The following SORBS2 variants were observed in gnomAD, a reference collection of about 807,000 sequenced individuals.
SORBS2 encodes the protein sorbin and SH3 domain-containing protein 2.
In SORBS2, 46 loss-of-function variants were observed where a neutral mutation model predicts 97.7. That is an observed-to-expected ratio of 0.47 (90% CI 0.37 to 0.60). The LOEUF (loss-of-function observed/expected upper bound fraction) is 0.60. Among genes scored for constraint, SORBS2 ranks in the 20% least tolerant of loss-of-function variants. SORBS2 has a pLI of 0.00. For missense variants in SORBS2, 1,316 were observed against 1,282.3 expected, an observed-to-expected ratio of 1.03 and a Z score of -0.40; for synonymous variants, 476 against 473.4, an observed-to-expected ratio of 1.01 and a Z score of -0.07.
chr4:185,855,081 A>T (rs2099220059), intron 1 of SORBS2, among the ~76,000 whole-genome samples: 1 of 152,300 alleles, frequency 6.6e-6, no homozygotes, highest in Non-Finnish European at 1.5e-5. Flanking sequence ...CTCTGTAGAA[A>T]CCATCAGAGA....
At chr4:185,781,800 G>T (rs573648933) in intron 1 of SORBS2, among the ~76,000 whole-genome samples, 1 of 152,274 alleles carries the variant, frequency 6.6e-6, no homozygotes, top group African/African-American at 2.4e-5. Context: ...GCCCAGTGGC[G>T]AATGCCATGC....
intron 1 of SORBS2, among the ~76,000 whole-genome samples, chr4:185,950,696 A>G (rs2099276793): frequency 6.6e-6 from 1 of 152,154 alleles, no homozygotes; most frequent in African/African-American, 2.4e-5. Context: ...TTTTTAATAC[A>G]CATTTGGACT....
intron 1 of SORBS2, chr4:185,932,982 C>T (rs2099267189): frequency 6.6e-6 from 1 of 152,206 alleles, no homozygotes; most frequent in Non-Finnish European, 1.5e-5. Context: ...AAATGCTTCT[C>T]CTAAAAATGT....
intron 2 of SORBS2, among the ~76,000 whole-genome samples, chr4:185,728,412 C>A (rs1185262603): frequency 6.6e-6 from 1 of 152,176 alleles, no homozygotes; most frequent in Non-Finnish European, 1.5e-5. Context: ...CTGTCTTTGC[C>A]ATTCCATCTA....
chr4:185,898,632 T>G (rs2099246114), intron 1 of SORBS2, among the ~76,000 whole-genome samples: 1 of 152,200 alleles, frequency 6.6e-6, no homozygotes, highest in Admixed American at 6.5e-5. Flanking sequence ...GCGGCTACGT[T>G]GATTTGCATC....
intron 1 of SORBS2, among the ~76,000 whole-genome samples, chr4:185,796,173 T>G (rs1489793206): frequency 6.6e-6 from 1 of 152,194 alleles, no homozygotes; most frequent in Non-Finnish European, 1.5e-5. Context: ...CTGAAAGTGT[T>G]GGGATTAACA....
intron 1 of SORBS2, among the ~76,000 whole-genome samples, chr4:185,868,150 T>TCTTTCTTTTTG (rs1443151990): frequency 1.3e-5 from 1 of 75,514 alleles, no homozygotes; most frequent in African/African-American, 6.1e-5. Flanking sequence ...TTCTTTTCTT[T>TCTTTCTTTTTG]TTTTCTTTCT....
intron 4 of SORBS2, chr4:185,675,527 G>A (rs980428499): frequency 6.6e-6 from 1 of 152,218 alleles, no homozygotes; most frequent in African/African-American, 2.4e-5. Context: ...GCCTGCCAGG[G>A]TGTGTATTCT....
At chr4:185,923,107 T>C (rs965333612) in intron 1 of SORBS2, among the ~76,000 whole-genome samples, 1 of 152,156 alleles carries the variant, frequency 6.6e-6, no homozygotes, top group African/African-American at 2.4e-5. Flanking sequence ...GGATAATCTG[T>C]ATGGGGGGAG....
At chr4:185,663,718 A>T (rs529275525) in intron 4 of SORBS2, among the ~76,000 whole-genome samples, 1 of 152,164 alleles carries the variant, frequency 6.6e-6, no homozygotes, top group Admixed American at 6.6e-5. Flanking sequence ...AAAGCTGAAG[A>T]ATCCTTCTTA....
chr4:185,947,461 C>T (rs1056672262), intron 1 of SORBS2, among the ~76,000 whole-genome samples: 1 of 152,070 alleles, frequency 6.6e-6, no homozygotes, highest in Non-Finnish European at 1.5e-5. Flanking sequence ...TTTAGAGGGA[C>T]AGAACTGCAG....
intron 2 of SORBS2, chr4:185,773,270 A>T (rs1467130472): frequency 6.6e-6 from 1 of 152,208 alleles, no homozygotes; most frequent in Non-Finnish European, 1.5e-5. Flanking sequence ...CCCCCCAACA[A>T]AGCCCAGGCT....
At chr4:185,638,761 C>T in intron 4 of SORBS2, 116 bp downstream of exon 14, 5 of 949,150 alleles carry the variant, frequency 5.3e-6, no homozygotes, top group Non-Finnish European at 7.4e-6. Context: ...GATTCTGGGG[C>T]CTGGATGGGT....
At chr4:185,658,177 T>G (rs2097441174), upstream of SORBS2, among the ~76,000 whole-genome samples, 1 of 152,202 alleles carries the variant, frequency 6.6e-6, no homozygotes, top group Admixed American at 6.5e-5. Context: ...ACATGAAAGC[T>G]TCTGAATAAA....
At chr4:185,898,415 A>G (rs1191871126) in intron 1 of SORBS2, among the ~76,000 whole-genome samples, 1 of 152,242 alleles carries the variant, frequency 6.6e-6, no homozygotes, top group African/African-American at 2.4e-5. Flanking sequence ...TAAGGAAGAA[A>G]AGAAAGGGAA....
chr4:185,841,743 C>T (rs193129495), intron 1 of SORBS2, among the ~76,000 whole-genome samples: 41 of 152,242 alleles, frequency 2.7e-4, no homozygotes, highest in Middle Eastern at 3.4e-3. Flanking sequence ...ATTTGTTTCC[C>T]GAAAGACTAG....
chr4:185,927,215 A>G (rs1386193922), intron 1 of SORBS2, among the ~76,000 whole-genome samples: 1 of 150,104 alleles, frequency 6.7e-6, no homozygotes, highest in Non-Finnish European at 1.5e-5. Flanking sequence ...ATGTGTATAT[A>G]TAATTTTTGT....
intron 4 of SORBS2, among the ~76,000 whole-genome samples, chr4:185,663,104 C>T (rs1383642739): frequency 6.6e-6 from 1 of 152,184 alleles, no homozygotes; most frequent in Non-Finnish European, 1.5e-5. Flanking sequence ...TTAAGCATGC[C>T]TGTCTACCCA....
rs987529443 is a variant in SORBS2 at position 185,662,033 on chromosome 4, A to G, written c.94+71T>C. The G allele has an allele frequency of 1.2e-5, 19 of 1,563,128 alleles. No individual in the cohort carries two copies. The African/African-American group carries it at 1.5e-4, about 12-fold the overall frequency. The stretch of plus-strand genomic sequence containing the variant: ...CGCTCCCGCCTCACCTTGATGCCGC[A>G]TATCTTTCTCCTGTGGTTGTACTTG... On this transcript the variant is annotated intron_variant, in intron 5 of 20. Transcript: ENST00000284776.
Sources: gnomAD v4.1 joint callset for allele counts (sites outside exome capture counted in the v4.1 genomes callset) on GRCh38, gnomAD v4.1.1 for gene constraint, MANE v1.5 for transcripts, NCBI Gene and HGNC (gene_info 2026-07-23, HGNC 2026-07-21) for gene names.